E2F4: variants seen among roughly 807,000 people sequenced by gnomAD.
E2F4 encodes transcription factor E2F4.
In E2F4, 16 loss-of-function variants were observed where a neutral mutation model predicts 44.5. That is an observed-to-expected ratio of 0.36 (90% CI 0.24 to 0.55). The LOEUF is 0.55. E2F4 is among the 20% of genes least tolerant of loss of function. The pLI, the probability that E2F4 is intolerant of heterozygous loss-of-function variation, is 0.87. For synonymous variants in E2F4, 242 were observed against 207.2 expected (o/e 1.17, Z -1.44); for missense variants, 473 against 522.1 (o/e 0.91, Z 0.92).
In E2F4 at chr16:67,195,890, ACAGCAGCAGCAGCAGCAGCAGCAG is replaced by A. The variant is rs3830472; in HGVS notation, c.935_958del (p.Ser312_Ser319del). On this transcript the variant is annotated inframe_deletion, in exon 7 of 10. Coordinates refer to ENST00000379378, the MANE Select transcript of E2F4 (RefSeq NM_001950.4). ...CCACTGCAGTCTTCTGCCCTGCTGG[ACAGCAGCAGCAGCAGCAGCAGCAG>A]CAGCAGCAGCAGCAGCAACAGTAAC... 1.1e-4 allele frequency: 171 copies of A among 1,608,080 alleles called. No individual in the cohort carries two copies. Among genetic ancestry groups the A allele is most frequent in the East Asian group, 4.9e-4 (22 of 44,666 alleles).
intron 5 of E2F4, 82 bp from the exon 6 acceptor site, chr16:67,194,604 T>G: frequency 1.3e-6 from 2 of 1,573,008 alleles, no homozygotes; most frequent in African/African-American, 1.3e-5. Context: ...GAGAGGACAC[T>G]GTGGTCCTGA....
chr16:67,193,389 G>A (rs2032919048), intron 3 of E2F4, 83 bp from the exon 4 acceptor site: 1 of 1,573,070 alleles, frequency 6.4e-7, no homozygotes, highest in African/African-American at 1.4e-5. Flanking sequence ...CTGTGTGTCA[G>A]ACCTTAGCTA....
intron 5 of E2F4, 49 bp from the exon 6 acceptor site, chr16:67,194,637 G>T: frequency 6.3e-7 from 1 of 1,593,732 alleles, no homozygotes; most frequent in Non-Finnish European, 8.6e-7. Flanking sequence ...CAGGAGCCAA[G>T]CCTGCTTACA....
Position 67,198,813 on chromosome 16 carries a change from T to G in E2F4, c.*690T>G. The G allele has an allele frequency of 7.2e-6, 2 of 279,062 alleles. No individual in the cohort carries two copies. Among genetic ancestry groups the G allele is most frequent in the East Asian group, 1.4e-4 (2 of 13,836 alleles). 17.3% of individuals were successfully genotyped at this position (279,062 alleles called of 1,614,324 possible). A position where few individuals can be genotyped will look rare whatever the true frequency, so the allele number is the denominator to read the frequency against. On this transcript the variant is annotated 3_prime_UTR_variant, in exon 10 of 10. Transcript: ENST00000379378. The stretch of plus-strand genomic sequence containing the variant: ...TGCAGAGATTTAGAAAGATTTACAG[T>G]AACGAATGGATTCCTATATAAAGAT...
chr16:67,192,469 A>T, intron 1 of E2F4, 107 bp downstream of exon 1: 1 of 1,347,358 alleles, frequency 7.4e-7, no homozygotes, highest in Non-Finnish European at 9.6e-7. Flanking sequence ...GCCGGCCGCC[A>T]TCGTGTGCTT....
chr16:67,194,544 G>C, intron 5 of E2F4, 85 bp downstream of exon 5: 1 of 1,587,640 alleles, frequency 6.3e-7, no homozygotes, highest in Non-Finnish European at 8.6e-7. Flanking sequence ...GGGCAAGTAG[G>C]GGGAGGCCTG....
Position 67,192,236 on chromosome 16 carries a change from G to A in E2F4, c.9G>A (p.Glu3=). 1 of 1,267,554 alleles carries A rather than the reference G, an allele frequency of 7.9e-7. No individual in the cohort carries two copies. Among genetic ancestry groups the A allele is most frequent in the East Asian group, 3.1e-5 (1 of 32,140 alleles). 78.5% of individuals were successfully genotyped at this position (1,267,554 alleles called of 1,614,324 possible). A position where few individuals can be genotyped will look rare whatever the true frequency, so the allele number is the denominator to read the frequency against. MA[E]AGPQAPPPPG... ...GGCGGCGGGCGGGCGCGATGGCGGA[G>A]GCCGGGCCACAGGCGCCGCCGCCCC... Residue 3 remains glutamate (E), a synonymous_variant, in exon 1 of 10, where the codon GAG becomes GAA. Coordinates refer to ENST00000379378, the MANE Select transcript of E2F4 (RefSeq NM_001950.4).
At position 67,196,009 on chromosome 16, in the gene E2F4, G is replaced by A. The variant is rs1242935733; in HGVS notation, c.1033+3G>A. 1 of 1,613,968 alleles carries A rather than the reference G, an allele frequency of 6.2e-7. No individual in the cohort carries two copies. Among genetic ancestry groups the A allele is most frequent in the Non-Finnish European group, 8.5e-7 (1 of 1,179,860 alleles). ...CATCAAGGCAGACCCCACAGGTGGT[G>A]AGTACCTGCCCCCTGGGGGCAGAGA... On this transcript the variant is annotated splice_donor_region_variant and intron_variant, in intron 7 of 9. Coordinates refer to ENST00000379378, the MANE Select transcript of E2F4 (RefSeq NM_001950.4).
chr16:67,194,846 C>T lies in E2F4; in HGVS notation c.674C>T (p.Pro225Leu), dbSNP rs963115186. 1 of 1,614,208 alleles carries T rather than the reference C, an allele frequency of 6.2e-7. No homozygotes were observed. Among genetic ancestry groups the T allele is most frequent in the Admixed American group, 1.7e-5 (1 of 60,030 alleles). Residue 225 changes from proline (P) to leucine (L), a missense_variant, in exon 6 of 10, where the codon CCT (proline) becomes CTT (leucine). Transcript: ENST00000379378. ...LLQSPSAVST[P>L]PPLPKPALAQ... ...CAGAGCCCATCTGCTGTTTCTACAC[C>T]TCCACCTCTGCCCAAGCCTGCCCTA...
chr16:67,193,906 G>C (rs1392793715), intron 4 of E2F4: 1 of 281,888 alleles, frequency 3.5e-6, no homozygotes, highest in East Asian at 7.5e-5. Flanking sequence ...TGTGAATACA[G>C]GATCTGTTCC....
chr16:67,194,143 C>T (rs889203528), intron 4 of E2F4: 6 of 506,360 alleles, frequency 1.2e-5, no homozygotes, highest in Middle Eastern at 5.1e-4. Flanking sequence ...GATCAGCCAT[C>T]GGTAGAGGAA....
intron 7 of E2F4, among the ~76,000 whole-genome samples, chr16:67,196,249 T>C (rs772904419): frequency 6.6e-6 from 1 of 152,210 alleles, no homozygotes; most frequent in African/African-American, 2.4e-5. Flanking sequence ...GCCTCACTAA[T>C]TGACACTTCT....
At chr16:67,197,541 G>T (rs1021072518) in intron 7 of E2F4, 58 bp from the exon 8 acceptor site, 30 of 1,584,406 alleles carry the variant, frequency 1.9e-5, no homozygotes, top group Non-Finnish European at 2.5e-5. Flanking sequence ...AAGCCAGGGG[G>T]CTGTAGTGGG....
Position 67,197,850 on chromosome 16 carries a change from G to A in E2F4, c.1082-17G>A. On this transcript the variant is annotated splice_polypyrimidine_tract_variant and intron_variant, in intron 8 of 9. Transcript: ENST00000379378. ...TGGGAGCTGGAATGTTAGTAACTGA[G>A]CTCCCTCCATTCCCAGAGTGCATGA... 6.2e-7 allele frequency: 1 copy of A among 1,614,072 alleles called. No individual in the cohort carries two copies. Among genetic ancestry groups the A allele is most frequent in the Non-Finnish European group, 8.5e-7 (1 of 1,179,984 alleles).
Position 67,195,778 on chromosome 16 carries a change from G to T in E2F4, c.809-4G>T, listed in dbSNP as rs1355781585. ...ATGACTGGGTTTGGGGGCTATCATTGTAGTGAGTGGCGGCCCTGGGACTGA... is the reference window on the plus strand; with the variant it reads ...ATGACTGGGTTTGGGGGCTATCATTTTAGTGAGTGGCGGCCCTGGGACTGA... On this transcript the variant is annotated splice_polypyrimidine_tract_variant and splice_region_variant and intron_variant, in intron 6 of 9. Transcript: ENST00000379378. The T allele has an allele frequency of 6.2e-7, 1 of 1,614,104 alleles. No homozygotes were observed. The highest frequency in any genetic ancestry group is 8.5e-7 in the Non-Finnish European group (1 of 1,180,008).
intron 2 of E2F4, 48 bp from the exon 3 acceptor site, chr16:67,192,961 G>C: frequency 6.4e-7 from 1 of 1,560,022 alleles, no homozygotes. Flanking sequence ...GGGGCCATGG[G>C]ACCCAGAGTT....
At chr16:67,192,389 G>C in intron 1 of E2F4, 27 bp downstream of exon 1, 1 of 1,416,394 alleles carries the variant, frequency 7.1e-7, no homozygotes, top group Non-Finnish European at 9.2e-7. Context: ...GGGGAGACAA[G>C]GGAGGCTGGT....
chr16:67,198,193 C>A lies in E2F4; in HGVS notation c.*70C>A. 1.5e-6 allele frequency: 2 copies of A among 1,361,522 alleles called. No individual in the cohort carries two copies. Among genetic ancestry groups the A allele is most frequent in the Non-Finnish European group, 2.1e-6 (2 of 960,032 alleles). The allele number at this position is 1,361,522 out of a possible 1,614,324, so 84.3% of individuals were successfully genotyped here. A position where few individuals can be genotyped will look rare whatever the true frequency, so the allele number is the denominator to read the frequency against. On this transcript the variant is annotated 3_prime_UTR_variant, in exon 10 of 10. Transcript: ENST00000379378. ...CCTGGGGGTTGCCTGGGGACCTCTC[C>A]CACCCGACCCCTACAGAGCTTGAGA...
chr16:67,194,347 C>T, intron 4 of E2F4, 51 bp from the exon 5 acceptor site: 1 of 1,602,398 alleles, frequency 6.2e-7, no homozygotes. Context: ...ACCTCTGTTC[C>T]CAGCTCAGAT....
Sources: gnomAD v4.1 joint callset for allele counts (sites outside exome capture counted in the v4.1 genomes callset) on GRCh38, gnomAD v4.1.1 for gene constraint, MANE v1.5 for transcripts, NCBI Gene and HGNC (gene_info 2026-07-23, HGNC 2026-07-21) for gene names.